The following CDK6 variants were observed in gnomAD, a reference collection of about 807,000 sequenced individuals.
The protein encoded by CDK6 is cyclin dependent kinase 6.
In CDK6, 6 loss-of-function variants were observed where a neutral mutation model predicts 37.1. The observed-to-expected ratio is 0.16, with a 90% CI of 0.09 to 0.32. The LOEUF (loss-of-function observed/expected upper bound fraction) is 0.32, where lower values mean the gene tolerates loss of function less well. Among genes scored for constraint, CDK6 ranks in the 10% least tolerant of loss-of-function variants. The pLI is 1.00. For missense variants in CDK6, 224 were observed against 418.9 expected (o/e 0.53, Z 4.06); for synonymous variants, 160 against 161.3 (o/e 0.99, Z 0.06).
chr7:92,689,283 T>C (rs1562936681), intron 4 of CDK6, among the ~76,000 whole-genome samples: 1 of 152,194 alleles, frequency 6.6e-6, no homozygotes, highest in Non-Finnish European at 1.5e-5. Flanking sequence ...GTGTATGTTG[T>C]TCCCTTCTAT....
At chr7:92,755,241 T>C (rs926542433) in intron 3 of CDK6, among the ~76,000 whole-genome samples, 4 of 152,150 alleles carry the variant, frequency 2.6e-5, no homozygotes, top group African/African-American at 9.7e-5. Flanking sequence ...AGGCTTTCCT[T>C]TCCCCGCAGC....
At chr7:92,664,101 A>T (rs755359410) in intron 5 of CDK6, among the ~76,000 whole-genome samples, 7 of 152,148 alleles carry the variant, frequency 4.6e-5, no homozygotes, top group Non-Finnish European at 1.0e-4. Flanking sequence ...AGATCGTGCC[A>T]CTGCACTCCA....
At chr7:92,736,843 G>A (rs1798800350) in intron 3 of CDK6, among the ~76,000 whole-genome samples, 2 of 152,184 alleles carry the variant, frequency 1.3e-5, no homozygotes, top group Non-Finnish European at 2.9e-5. Flanking sequence ...ATATGATAGA[G>A]AAGGTCTAAA....
At chr7:92,794,308 T>C (rs905267931) in intron 2 of CDK6, among the ~76,000 whole-genome samples, 2 of 152,108 alleles carry the variant, frequency 1.3e-5, no homozygotes, top group Non-Finnish European at 2.9e-5. Flanking sequence ...AATTAAGGTA[T>C]AGAAGTTTAG....
intron 2 of CDK6, among the ~76,000 whole-genome samples, chr7:92,826,944 C>T (rs1801334117): frequency 6.6e-6 from 1 of 152,134 alleles, no homozygotes; most frequent in Admixed American, 6.6e-5. Context: ...AGTCAGCAAA[C>T]ATAAAGTCAC....
chr7:92,710,816 C>T, intron 4 of CDK6: 1 of 985,352 alleles, frequency 1.0e-6, no homozygotes, highest in Non-Finnish European at 1.2e-6. Flanking sequence ...TCAGAGGAGA[C>T]CCGGGCAGAC....
chr7:92,710,095 G>T (rs553069630), intron 4 of CDK6, among the ~76,000 whole-genome samples: 1 of 152,288 alleles, frequency 6.6e-6, no homozygotes, highest in East Asian at 1.9e-4. Flanking sequence ...TGTATCTCTA[G>T]ACTAATGAAG....
At chr7:92,739,510 T>C (rs549436386) in intron 3 of CDK6, among the ~76,000 whole-genome samples, 17 of 152,394 alleles carry the variant, frequency 1.1e-4, no homozygotes, top group Non-Finnish European at 2.4e-4. Flanking sequence ...AAATGATCAA[T>C]TCAGAAATCT....
At chr7:92,690,256 G>C (rs1797571739) in intron 4 of CDK6, among the ~76,000 whole-genome samples, 1 of 151,986 alleles carries the variant, frequency 6.6e-6, no homozygotes, top group Non-Finnish European at 1.5e-5. Flanking sequence ...TATAGTTTTG[G>C]GTTTTACATT....
intron 2 of CDK6, among the ~76,000 whole-genome samples, chr7:92,784,265 G>A (rs1224309316): frequency 2.0e-5 from 3 of 152,096 alleles, no homozygotes; most frequent in Non-Finnish European, 4.4e-5. Flanking sequence ...AACAATAGCT[G>A]TTTTCTGTAG....
intron 7 of CDK6, among the ~76,000 whole-genome samples, chr7:92,616,164 A>T (rs1320534908): frequency 6.6e-6 from 1 of 152,102 alleles, no homozygotes; most frequent in Non-Finnish European, 1.5e-5. Context: ...GGGTATATGA[A>T]ATGTCTATGC....
intron 3 of CDK6, among the ~76,000 whole-genome samples, chr7:92,759,498 AAAAGTT>A (rs1454869615): frequency 1.3e-5 from 2 of 152,090 alleles, no homozygotes; most frequent in Non-Finnish European, 2.9e-5. Context: ...GGTCTGGGAT[AAAAGTT>A]ATTTTTTTTA....
intron 6 of CDK6, among the ~76,000 whole-genome samples, chr7:92,622,255 G>A (rs1334181052): frequency 6.6e-6 from 1 of 152,150 alleles, no homozygotes; most frequent in African/African-American, 2.4e-5. Flanking sequence ...GCATGAACAT[G>A]CAGACATGAA....
At chr7:92,768,857 C>A (rs1305106933) in intron 3 of CDK6, among the ~76,000 whole-genome samples, 1 of 152,122 alleles carries the variant, frequency 6.6e-6, no homozygotes, top group African/African-American at 2.4e-5. Context: ...GACAAATCAC[C>A]TGCTCGTAAT....
chr7:92,625,383 C>T (rs971342071), intron 5 of CDK6, among the ~76,000 whole-genome samples: 3 of 152,134 alleles, frequency 2.0e-5, no homozygotes, highest in Middle Eastern at 3.4e-3. Flanking sequence ...GTCTAACAGT[C>T]TTTCCTCTGG....
chr7:92,655,886 TACACACAC>T (rs1214402415), intron 5 of CDK6, among the ~76,000 whole-genome samples: 1 of 152,256 alleles, frequency 6.6e-6, no homozygotes, highest in African/African-American at 2.4e-5. Context: ...CATTTGCACA[TACACACAC>T]GCTCCTAAGC....
At chr7:92,709,447 T>C (rs1249713220) in intron 4 of CDK6, among the ~76,000 whole-genome samples, 1 of 152,054 alleles carries the variant, frequency 6.6e-6, no homozygotes. Context: ...CTGACTCTCC[T>C]AGATCTAACA....
At chr7:92,646,615 C>G (rs150471962) in intron 5 of CDK6, among the ~76,000 whole-genome samples, 2 of 151,892 alleles carry the variant, frequency 1.3e-5, no homozygotes, top group African/African-American at 4.8e-5. Context: ...CCAGGCTGGT[C>G]TTAAACTCCC....
chr7:92,679,813 C>T (rs774300993), intron 4 of CDK6, among the ~76,000 whole-genome samples: 55 of 151,132 alleles, frequency 3.6e-4, no homozygotes, highest in Non-Finnish European at 7.5e-4. Context: ...CTCGGTCTCC[C>T]GGGTTCAAGT....
Sources: allele counts gnomAD v4.1 joint callset (sites outside exome capture counted in the v4.1 genomes callset), GRCh38; gene constraint gnomAD v4.1.1; transcripts MANE v1.5; gene names NCBI Gene and HGNC (gene_info 2026-07-23, HGNC 2026-07-21).